Variants in MACROD2 observed in about 807,000 individuals in gnomAD.
MACROD2 encodes the protein ADP-ribose glycohydrolase MACROD2.
Under a neutral mutation model 70.4 loss-of-function variants are expected in MACROD2, and 36 were observed. The ratio of observed to expected loss-of-function variants is 0.51; its 90% confidence interval spans 0.39 to 0.68. The LOEUF is 0.68. Ranked by LOEUF, MACROD2 falls within the 30% of genes least tolerant of loss-of-function variation. The pLI, the probability that MACROD2 is intolerant of heterozygous loss-of-function variation, is 0.00. For missense variants in MACROD2, 496 were observed against 538.4 expected, an observed-to-expected ratio of 0.92 and a Z score of 0.78; for synonymous variants, 172 against 178.8, an observed-to-expected ratio of 0.96 and a Z score of 0.30.
chr20:14,357,346 T>C (rs1337129434), intron 3 of MACROD2, among the ~76,000 whole-genome samples: 1 of 152,242 alleles, frequency 6.6e-6, no homozygotes, highest in African/African-American at 2.4e-5. Flanking sequence ...ACTTTTCATT[T>C]CTTTTGAATA....
chr20:14,170,401 G>A (rs1036566127), intron 3 of MACROD2, among the ~76,000 whole-genome samples: 1 of 152,166 alleles, frequency 6.6e-6, no homozygotes, highest in Non-Finnish European at 1.5e-5. Context: ...GGTGATGAGA[G>A]TGGGCATCCT....
chr20:14,465,683 T>G (rs973248337), intron 3 of MACROD2, among the ~76,000 whole-genome samples: 7 of 152,124 alleles, frequency 4.6e-5, no homozygotes, highest in Non-Finnish European at 1.5e-5. Flanking sequence ...GGTTGTTCCT[T>G]TCCATGTTTA....
At chr20:15,129,085 C>T (rs2076086765) in intron 5 of MACROD2, among the ~76,000 whole-genome samples, 1 of 151,804 alleles carries the variant, frequency 6.6e-6, no homozygotes, top group South Asian at 2.1e-4. Context: ...GAGACAAAGT[C>T]ATCAGAGTCA....
intron 2 of MACROD2, among the ~76,000 whole-genome samples, chr20:14,038,478 C>T (rs1201692667): frequency 6.6e-6 from 1 of 152,190 alleles, no homozygotes; most frequent in Non-Finnish European, 1.5e-5. Flanking sequence ...TGCCCAACGT[C>T]ATACTGCTGT....
At chr20:14,060,646 A>G (rs2053681412) in intron 2 of MACROD2, among the ~76,000 whole-genome samples, 1 of 152,162 alleles carries the variant, frequency 6.6e-6, no homozygotes, top group Non-Finnish European at 1.5e-5. Flanking sequence ...CAGAAAGAGA[A>G]TCTGAATATT....
chr20:15,703,064 C>T (rs555601494), intron 8 of MACROD2, among the ~76,000 whole-genome samples: 14 of 152,290 alleles, frequency 9.2e-5, no homozygotes, highest in Non-Finnish European at 1.5e-4. Context: ...ATTCAATAAA[C>T]GGTGCTGGGA....
At chr20:15,315,469 A>G in intron 6 of MACROD2, among the ~76,000 whole-genome samples, 1 of 152,202 alleles carries the variant, frequency 6.6e-6, no homozygotes, top group East Asian at 1.9e-4. Context: ...CTTGTGTCCA[A>G]GAGATGCTCA....
chr20:14,132,841 T>G (rs1049268214), intron 3 of MACROD2, among the ~76,000 whole-genome samples: 1 of 151,900 alleles, frequency 6.6e-6, no homozygotes, highest in African/African-American at 2.4e-5. Context: ...TGGGGTTGCT[T>G]TGTTGCCCAG....
At chr20:15,707,811 AC>A in intron 8 of MACROD2, among the ~76,000 whole-genome samples, 1 of 150,882 alleles carries the variant, frequency 6.6e-6, no homozygotes, top group East Asian at 1.9e-4. Context: ...ACAAATACTT[AC>A]AAAACGTAAA....
intron 8 of MACROD2, among the ~76,000 whole-genome samples, chr20:15,717,081 A>C (rs2050717738): frequency 6.6e-6 from 1 of 152,176 alleles, no homozygotes; most frequent in African/African-American, 2.4e-5. Flanking sequence ...TTAAATACTA[A>C]ATATATCCTC....
intron 5 of MACROD2, among the ~76,000 whole-genome samples, chr20:15,087,777 T>C (rs904627848): frequency 2.6e-4 from 40 of 152,100 alleles, no homozygotes; most frequent in African/African-American, 8.9e-4. Flanking sequence ...GGGAAAAATA[T>C]GTTACCAATT....
At chr20:14,702,534 A>G (rs1475578101) in intron 5 of MACROD2, among the ~76,000 whole-genome samples, 1 of 146,614 alleles carries the variant, frequency 6.8e-6, no homozygotes, top group Non-Finnish European at 1.5e-5. Context: ...TTCACTAAAC[A>G]TTACATATGT....
intron 8 of MACROD2, among the ~76,000 whole-genome samples, chr20:15,798,187 G>T (rs1166347163): frequency 1.3e-5 from 2 of 152,176 alleles, no homozygotes; most frequent in Non-Finnish European, 2.9e-5. Flanking sequence ...TTATGTTCAT[G>T]AATTCAGTGA....
intron 3 of MACROD2, among the ~76,000 whole-genome samples, chr20:14,129,468 T>C (rs928641886): frequency 6.6e-6 from 1 of 152,240 alleles, no homozygotes; most frequent in Non-Finnish European, 1.5e-5. Flanking sequence ...TGGAATCTAG[T>C]CCTGGTGAAG....
chr20:14,377,663 A>T (rs1421038114), intron 3 of MACROD2, among the ~76,000 whole-genome samples: 2 of 152,200 alleles, frequency 1.3e-5, no homozygotes, highest in Non-Finnish European at 2.9e-5. Context: ...TCAGATGCCA[A>T]CTAAGTTGGA....
chr20:14,695,039 CCT>C (rs112334570), intron 5 of MACROD2, among the ~76,000 whole-genome samples: 14 of 149,842 alleles, frequency 9.3e-5, no homozygotes, highest in African/African-American at 1.2e-4. Flanking sequence ...CTGTGGTTTC[CCT>C]CTCTCTCTCT....
At chr20:14,079,549 CAT>C (rs1260295770) in intron 2 of MACROD2, among the ~76,000 whole-genome samples, 2 of 152,120 alleles carry the variant, frequency 1.3e-5, no homozygotes, top group East Asian at 1.9e-4. Flanking sequence ...AGAGATGAAA[CAT>C]ATTTTCTTCC....
intron 2 of MACROD2, among the ~76,000 whole-genome samples, chr20:14,031,641 TTTG>T (rs1231137821): frequency 6.6e-6 from 1 of 152,162 alleles, no homozygotes; most frequent in African/African-American, 2.4e-5. Context: ...CTATTTATAT[TTTG>T]TTGTATTTTT....
intron 2 of MACROD2, among the ~76,000 whole-genome samples, chr20:14,051,219 T>C (rs981186863): frequency 6.6e-6 from 1 of 152,186 alleles, no homozygotes; most frequent in Admixed American, 6.5e-5. Flanking sequence ...AGGAATTCTT[T>C]TAAAATACAT....
Sources: gnomAD v4.1 joint callset for allele counts (sites outside exome capture counted in the v4.1 genomes callset) on GRCh38, gnomAD v4.1.1 for gene constraint, MANE v1.5 for transcripts, NCBI Gene and HGNC (gene_info 2026-07-23, HGNC 2026-07-21) for gene names.